The following KCNIP1 variants were observed in gnomAD, a reference collection of about 807,000 sequenced individuals.
The protein encoded by KCNIP1 is potassium voltage-gated channel interacting protein 1.
KCNIP1 carries 18 observed loss-of-function variants against 33.0 expected under a neutral mutation model. The ratio of observed to expected loss-of-function variants is 0.55; its 90% CI spans 0.38 to 0.81. The LOEUF (loss-of-function observed/expected upper bound fraction) is 0.81, where lower values mean the gene tolerates loss of function less well. Among genes scored for constraint, KCNIP1 ranks in the 30% least tolerant of loss-of-function variants. The probability of loss-of-function intolerance (pLI) is 0.00; values close to 1 mark genes in which losing one functional copy is unlikely to be tolerated. For missense variants in KCNIP1, 238 were observed against 271.6 expected, an observed-to-expected ratio of 0.88 and a Z score of 0.87; for synonymous variants, 93 against 98.3, an observed-to-expected ratio of 0.95 and a Z score of 0.32.
intron 1 of KCNIP1, among the ~76,000 whole-genome samples, chr5:170,634,703 T>C (rs1760216970): frequency 1.3e-5 from 2 of 152,182 alleles, no homozygotes; most frequent in Admixed American, 6.5e-5. Context: ...CAGCAAAGAC[T>C]GGGATGGGAA....
intron 1 of KCNIP1, among the ~76,000 whole-genome samples, chr5:170,525,011 G>A (rs934649762): frequency 2.6e-5 from 4 of 152,224 alleles, no homozygotes; most frequent in Non-Finnish European, 5.9e-5. Context: ...GACATTTGAC[G>A]GTGGCAGCGT....
At chr5:170,608,009 A>G (rs1392831335) in intron 1 of KCNIP1, among the ~76,000 whole-genome samples, 1 of 152,214 alleles carries the variant, frequency 6.6e-6, no homozygotes, top group African/African-American at 2.4e-5. Context: ...AAAACAATAG[A>G]CATTTATTCT....
In KCNIP1 at chr5:170,675,394, C is replaced by T. The variant is rs551924872; in HGVS notation, c.62-43364C>T. Reference sequence around the variant, plus strand: ...TGGCACTTTGGGAGGCCAAGGCAGGCGGATCACGAGGTCAGGAGATCAAGA... The same window carrying T: ...TGGCACTTTGGGAGGCCAAGGCAGGTGGATCACGAGGTCAGGAGATCAAGA... On this transcript the variant is annotated intron_variant, in intron 1 of 7. Transcript: ENST00000328939. 2.2e-4 allele frequency among the ~76,000 whole-genome samples: 34 copies of T among 152,100 alleles called. No individual in the cohort carries two copies. The East Asian group carries it at 2.7e-3, about 12-fold the overall frequency.
chr5:170,569,706 T>C (rs1395885162), intron 1 of KCNIP1, among the ~76,000 whole-genome samples: 1 of 151,636 alleles, frequency 6.6e-6, no homozygotes, highest in African/African-American at 2.4e-5. Context: ...ATCACACCAA[T>C]GCCCTCCAGC....
chr5:170,426,250 C>T (rs1755610805), intron 1 of KCNIP1, among the ~76,000 whole-genome samples: 2 of 150,214 alleles, frequency 1.3e-5, no homozygotes, highest in East Asian at 3.9e-4. Context: ...AAAGGAATCA[C>T]ACACACACAC....
At chr5:170,549,172 G>A (rs939114711) in intron 1 of KCNIP1, among the ~76,000 whole-genome samples, 2 of 152,300 alleles carry the variant, frequency 1.3e-5, no homozygotes, top group African/African-American at 4.8e-5. Flanking sequence ...AAAAGCGTAT[G>A]CTATACATGA....
chr5:170,635,169 A>G (rs1469420993), intron 1 of KCNIP1, among the ~76,000 whole-genome samples: 2 of 152,184 alleles, frequency 1.3e-5, no homozygotes, highest in Non-Finnish European at 2.9e-5. Flanking sequence ...AGCTGAAATT[A>G]CAGGCACCCA....
intron 1 of KCNIP1, among the ~76,000 whole-genome samples, chr5:170,708,289 G>T (rs1434459176): frequency 2.0e-5 from 3 of 152,162 alleles, no homozygotes; most frequent in Non-Finnish European, 2.9e-5. Context: ...GGGAAGAAAA[G>T]ATTACATCTT....
intron 1 of KCNIP1, among the ~76,000 whole-genome samples, chr5:170,619,437 G>T (rs1759519538): frequency 6.6e-6 from 1 of 152,160 alleles, no homozygotes; most frequent in African/African-American, 2.4e-5. Context: ...GGACACAAAG[G>T]TTTGCCAGGA....
intron 1 of KCNIP1, among the ~76,000 whole-genome samples, chr5:170,411,010 C>T (rs952388906): frequency 6.6e-6 from 1 of 152,178 alleles, no homozygotes; most frequent in African/African-American, 2.4e-5. Flanking sequence ...TAGATGGTCA[C>T]CCACCCAGTG....
At chr5:170,382,013 C>T (rs975053066) in intron 1 of KCNIP1, among the ~76,000 whole-genome samples, 1 of 152,110 alleles carries the variant, frequency 6.6e-6, no homozygotes, top group Non-Finnish European at 1.5e-5. Flanking sequence ...CAAGATCCCC[C>T]AGCCTCCACG....
At chr5:170,522,053 G>A (rs1023270182) in intron 1 of KCNIP1, among the ~76,000 whole-genome samples, 1 of 152,178 alleles carries the variant, frequency 6.6e-6, no homozygotes, top group African/African-American at 2.4e-5. Context: ...TCACAGCCAG[G>A]CCTGCCACCG....
At chr5:170,356,305 G>T (rs1236730812) in intron 1 of KCNIP1, among the ~76,000 whole-genome samples, 1 of 152,188 alleles carries the variant, frequency 6.6e-6, no homozygotes, top group Non-Finnish European at 1.5e-5. Context: ...CAGAACTGAG[G>T]AATGTAAAGA....
rs1223892989 is a variant in KCNIP1, at chr5:170,612,890, G to A, written c.62-105868G>A. Among the ~76,000 whole-genome samples, 18 of 152,212 alleles carry A rather than the reference G, an allele frequency of 1.2e-4. No homozygotes were observed. In the East Asian group the frequency reaches 3.3e-3, roughly 28 times the overall value. On this transcript the variant is annotated intron_variant, in intron 1 of 7. Coordinates refer to ENST00000328939, the MANE Select transcript of KCNIP1 (RefSeq NM_014592.4). ...TCCCAAGACCCAGTCAATCTATAGG[G>A]CCCGCTGGTTCCTTCCCCCAGGTCT...
chr5:170,734,958 A>C (rs1230706690), intron 7 of KCNIP1, among the ~76,000 whole-genome samples: 1 of 152,158 alleles, frequency 6.6e-6, no homozygotes, highest in Non-Finnish European at 1.5e-5. Context: ...CCACCATGGG[A>C]TCTCTGCACA....
intron 1 of KCNIP1, among the ~76,000 whole-genome samples, chr5:170,559,918 ACT>A (rs1305853744): frequency 6.6e-6 from 1 of 151,470 alleles, no homozygotes; most frequent in Non-Finnish European, 1.5e-5. Context: ...CACATTTCTC[ACT>A]CTCCCAAATT....
chr5:170,576,388 C>T (rs1040533618), intron 1 of KCNIP1, among the ~76,000 whole-genome samples: 5 of 152,218 alleles, frequency 3.3e-5, no homozygotes, highest in African/African-American at 1.2e-4. Flanking sequence ...CATAGTGTAA[C>T]CTCTATCACA....
chr5:170,469,792 T>C (rs1338706954), intron 1 of KCNIP1, among the ~76,000 whole-genome samples: 1 of 152,216 alleles, frequency 6.6e-6, no homozygotes, highest in Non-Finnish European at 1.5e-5. Context: ...TCCATTCTCT[T>C]CCATTGATCT....
intron 1 of KCNIP1, among the ~76,000 whole-genome samples, chr5:170,366,419 C>A (rs1410411786): frequency 2.0e-5 from 3 of 152,238 alleles, no homozygotes; most frequent in African/African-American, 7.2e-5. Context: ...AACCACAAAG[C>A]CCCATGGACA....
Sources: allele counts gnomAD v4.1 joint callset (sites outside exome capture counted in the v4.1 genomes callset), GRCh38; gene constraint gnomAD v4.1.1; transcripts MANE v1.5; gene names NCBI Gene and HGNC (gene_info 2026-07-23, HGNC 2026-07-21).